Variants in TMTC1 observed in about 807,000 individuals in gnomAD.
The protein encoded by TMTC1 is protein O-mannosyl-transferase TMTC1.
A neutral mutation model predicts 104.8 loss-of-function variants in TMTC1; 73 were observed. The observed-to-expected ratio is 0.70, with a 90% CI of 0.58 to 0.85. TMTC1 has a LOEUF of 0.85. TMTC1 is among the 40% of genes least tolerant of loss of function. The pLI is 0.00. For synonymous variants in TMTC1, 434 were observed against 428.7 expected (o/e 1.01, Z -0.15); for missense variants, 1,035 against 1,096.1 (o/e 0.94, Z 0.79).
At chr12:29,541,967 T>C (rs1159586902) in intron 10 of TMTC1, among the ~76,000 whole-genome samples, 2 of 152,156 alleles carry the variant, frequency 1.3e-5, no homozygotes, top group African/African-American at 4.8e-5. Flanking sequence ...CCACAATAGA[T>C]TTTTAATCTA....
chr12:29,644,109 ATATG>A lies in TMTC1; in HGVS notation c.939-10777_939-10774del, dbSNP rs1200708580. Among the ~76,000 whole-genome samples the A allele has an allele frequency of 6.8e-3, 312 of 46,010 alleles. 17 individuals are homozygous for A. The highest frequency in any genetic ancestry group is 0.022 in the African/African-American group (299 of 13,642). The allele number at this position is 46,010 out of a possible 152,430, so 30.2% of individuals were successfully genotyped here. A position where few individuals can be genotyped will look rare whatever the true frequency, so the allele number is the denominator to read the frequency against. ...AATATAAATATAAATATATAAATAT[ATATG>A]TGTGTGTGTGTGTGTGTGTGTGTGT... On this transcript the variant is annotated intron_variant, in intron 5 of 17. Transcript: ENST00000539277.
At chr12:29,643,846 T>TATAG (rs1565734294) in intron 5 of TMTC1, among the ~76,000 whole-genome samples, 4 of 73,830 alleles carry the variant, frequency 5.4e-5, no homozygotes, top group East Asian at 3.1e-4. Context: ...TATTTATATA[T>TATAG]TTATATATAT....
intron 5 of TMTC1, among the ~76,000 whole-genome samples, chr12:29,718,791 C>T (rs539704841): frequency 2.0e-5 from 3 of 151,780 alleles, no homozygotes; most frequent in East Asian, 1.9e-4. Flanking sequence ...AAATTAGCCA[C>T]GAGTGGTGAC....
At chr12:29,659,830 T>C in intron 5 of TMTC1, 2 of 1,387,420 alleles carry the variant, frequency 1.4e-6, no homozygotes, top group East Asian at 2.5e-5. Flanking sequence ...TTAAGATTAC[T>C]CAAAATTATC....
chr12:29,765,560 T>C (rs892481384), intron 2 of TMTC1, among the ~76,000 whole-genome samples: 4 of 152,160 alleles, frequency 2.6e-5, no homozygotes, highest in Non-Finnish European at 5.9e-5. Context: ...AAATTTCTTT[T>C]GACCATAAGC....
chr12:29,742,090 G>GA (rs894537691), intron 5 of TMTC1, among the ~76,000 whole-genome samples: 4 of 149,162 alleles, frequency 2.7e-5, no homozygotes, highest in Admixed American at 6.7e-5. Context: ...TGAAAACTAT[G>GA]AAAAAAAAAA....
chr12:29,554,393 ACT>A (rs1945184283), intron 10 of TMTC1, among the ~76,000 whole-genome samples: 1 of 151,614 alleles, frequency 6.6e-6, no homozygotes, highest in South Asian at 2.1e-4. Context: ...TTTTAATATC[ACT>A]GTTAGTAGGG....
At chr12:29,548,628 A>G (rs1408521709) in intron 10 of TMTC1, among the ~76,000 whole-genome samples, 1 of 151,884 alleles carries the variant, frequency 6.6e-6, no homozygotes, top group Non-Finnish European at 1.5e-5. Flanking sequence ...GGCCTCCCCA[A>G]CCATGTGAAA....
At chr12:29,539,599 G>A (rs954415702) in intron 10 of TMTC1, among the ~76,000 whole-genome samples, 7 of 152,306 alleles carry the variant, frequency 4.6e-5, no homozygotes, top group African/African-American at 1.4e-4. Flanking sequence ...GCGAAACTGG[G>A]TGGCCTTTGG....
intron 10 of TMTC1, among the ~76,000 whole-genome samples, chr12:29,541,519 A>C (rs1198026212): frequency 6.6e-6 from 1 of 152,206 alleles, no homozygotes; most frequent in Non-Finnish European, 1.5e-5. Flanking sequence ...TTTTAAAACC[A>C]AGGAGAATGT....
At chr12:29,659,918 C>T (rs938763936) in intron 5 of TMTC1, 73 of 1,535,896 alleles carry the variant, frequency 4.8e-5, no homozygotes, top group Non-Finnish European at 5.8e-5. Context: ...CTGGATTATC[C>T]TGCTCTGAAA....
intron 5 of TMTC1, among the ~76,000 whole-genome samples, chr12:29,679,099 T>C (rs1940827796): frequency 6.6e-6 from 1 of 152,192 alleles, no homozygotes; most frequent in Non-Finnish European, 1.5e-5. Context: ...TGCAGTGCAA[T>C]ATCATTCAAT....
In TMTC1 at chr12:29,688,872, C is replaced by G. The variant is rs1214581259; in HGVS notation, c.939-55536G>C. 2.6e-5 allele frequency among the ~76,000 whole-genome samples: 4 copies of G among 152,132 alleles called. 1 individual carries two copies. The highest frequency in any genetic ancestry group is 9.7e-5 in the African/African-American group (4 of 41,410). ...GAACAAAGCCCAATTTTTAGCTGGA[C>G]TCACTGCTGACCAGCTAAAAGTTTA... is the stretch of plus-strand genomic sequence containing the variant. On this transcript the variant is annotated intron_variant, in intron 5 of 17. Coordinates refer to ENST00000539277, the MANE Select transcript of TMTC1 (RefSeq NM_001193451.2).
intron 6 of TMTC1, among the ~76,000 whole-genome samples, chr12:29,625,387 G>C (rs7134882): frequency 6.6e-6 from 1 of 152,112 alleles, no homozygotes; most frequent in Non-Finnish European, 1.5e-5. Flanking sequence ...CTCCCTTCTG[G>C]TGTGTAAGCA....
intron 7 of TMTC1, among the ~76,000 whole-genome samples, chr12:29,592,131 A>G (rs993456858): frequency 1.1e-4 from 16 of 152,370 alleles, no homozygotes; most frequent in African/African-American, 3.8e-4. Context: ...GCCCACTGAG[A>G]GTATCTATAA....
intron 5 of TMTC1, among the ~76,000 whole-genome samples, chr12:29,692,901 C>CAT (rs59233878): frequency 0.013 from 1,897 of 144,680 alleles, 244 homozygotes; most frequent in African/African-American, 0.045. Context: ...CAAAATAACA[C>CAT]GTTTTATTAT....
At chr12:29,588,723 T>A (rs1051619987) in intron 7 of TMTC1, among the ~76,000 whole-genome samples, 1 of 152,212 alleles carries the variant, frequency 6.6e-6, no homozygotes, top group Non-Finnish European at 1.5e-5. Flanking sequence ...GAGATTTTCA[T>A]GTGGGTGGTC....
At chr12:29,672,042 G>C (rs1039489074) in intron 5 of TMTC1, among the ~76,000 whole-genome samples, 5 of 152,182 alleles carry the variant, frequency 3.3e-5, no homozygotes, top group African/African-American at 1.2e-4. Flanking sequence ...TCAAAGTCAA[G>C]TGTCTAAAAT....
At chr12:29,530,015 A>C (rs1268986761) in intron 11 of TMTC1, 1 of 152,242 alleles carries the variant, frequency 6.6e-6, no homozygotes, top group African/African-American at 2.4e-5. Flanking sequence ...AACCAGAAAA[A>C]GAGGTGAAAA....
Sources: allele counts gnomAD v4.1 joint callset (sites outside exome capture counted in the v4.1 genomes callset), GRCh38; gene constraint gnomAD v4.1.1; transcripts MANE v1.5; gene names NCBI Gene and HGNC (gene_info 2026-07-23, HGNC 2026-07-21).